The following TASOR variants were observed in gnomAD, a reference collection of about 807,000 sequenced individuals.
TASOR encodes the protein transcription activation suppressor.
In TASOR, 53 loss-of-function variants were observed where a neutral mutation model predicts 178.6. That is an observed-to-expected ratio of 0.30 (90% CI 0.24 to 0.37). The LOEUF (loss-of-function observed/expected upper bound fraction) is 0.37, where lower values mean the gene tolerates loss of function less well. Ranked by LOEUF, TASOR falls within the 10% of genes least tolerant of loss-of-function variation. TASOR has a pLI of 1.00. For synonymous variants in TASOR, 713 were observed against 696.2 expected (o/e 1.02, Z -0.38); for missense variants, 1,815 against 1,971.4 (o/e 0.92, Z 1.50).
Position 56,641,368 on chromosome 3 carries a change from T to C in TASOR, c.2600A>G (p.His867Arg), listed in dbSNP as rs1444800389. The C allele has an allele frequency of 1.9e-6, 3 of 1,593,152 alleles. No individual in the cohort carries two copies. The highest frequency in any genetic ancestry group is 2.7e-5 in the African/African-American group (2 of 74,542). ...AISTSEVGTDHKLHLKEDPNL... is the reference protein window; with the variant it reads ...AISTSEVGTDRKLHLKEDPNL... ...GCTTACTTCTTTCAAATGTAGCTTA[T>C]GGTCAGTGCCCACTTCGCTGGTAGA... Residue 867 changes from histidine (H) to arginine (R), a missense_variant, in exon 15 of 24, where the codon CAT (histidine) becomes CGT (arginine). By Grantham distance (29) the His-to-Arg change is conservative. Around this residue, in one of 5 missense-constraint regions of TASOR, gnomAD observed 655 missense variants for 671.1 expected, o/e 0.98. Coordinates refer to ENST00000683822, the MANE Select transcript of TASOR (RefSeq NM_001365635.2).
rs751360409 is a variant in TASOR, at chr3:56,641,474, T to G, written c.2494A>C (p.Lys832Gln). 6.2e-7 allele frequency: 1 copy of G among 1,613,602 alleles called. No homozygotes were observed. The highest frequency in any genetic ancestry group is 8.5e-7 in the Non-Finnish European group (1 of 1,179,490). The change falls in exon 15 of 24, where the codon AAA becomes CAA. Residue 832 changes from lysine (K) to glutamine (Q), a missense_variant. Physicochemically the swap from Lys to Gln is moderately conservative, Grantham distance 53 (BLOSUM62 1). This residue lies in a region of TASOR where 655 missense variants were observed against 671.1 expected (regional missense o/e 0.98). Transcript: ENST00000683822. ...CCCTTAAACTGTGCATTTTCAACTT[T>G]TGCACAAGTAGGCTGCTCATAGTCT... ...KKDYEQPTCAKVENAQFKGTQ... is the reference protein window; with the variant it reads ...KKDYEQPTCAQVENAQFKGTQ...
chr3:56,628,416 T>C (rs757895142), intron 19 of TASOR, 76 bp downstream of exon 19: 6 of 1,299,398 alleles, frequency 4.6e-6, no homozygotes, highest in Non-Finnish European at 5.4e-6. Context: ...TTAAAAACAC[T>C]AGTCTGGCAG....
chr3:56,682,205 A>C (rs2107650742), intron 1 of TASOR, among the ~76,000 whole-genome samples: 1 of 152,376 alleles, frequency 6.6e-6, no homozygotes, highest in East Asian at 1.9e-4. Flanking sequence ...GCACATTTCA[A>C]GTAGACACAC....
chr3:56,669,941 C>G, intron 4 of TASOR, 132 bp downstream of exon 4: 1 of 862,278 alleles, frequency 1.2e-6, no homozygotes. Context: ...ATTTCAGAAC[C>G]TATGACTAGT....
chr3:56,663,015 C>T (rs1351377056), intron 8 of TASOR, among the ~76,000 whole-genome samples: 1 of 152,024 alleles, frequency 6.6e-6, no homozygotes, highest in African/African-American at 2.4e-5. Flanking sequence ...CCCAACTCTA[C>T]TAAAAATACA....
intron 1 of TASOR, among the ~76,000 whole-genome samples, chr3:56,679,217 T>C (rs200100624): frequency 6.6e-5 from 10 of 152,318 alleles, no homozygotes; most frequent in East Asian, 1.9e-4. Context: ...GTAAGATCTT[T>C]TTTTAAAATC....
chr3:56,642,871 G>A (rs1409331016), intron 14 of TASOR, among the ~76,000 whole-genome samples: 2 of 152,132 alleles, frequency 1.3e-5, no homozygotes, highest in East Asian at 1.9e-4. Context: ...AGCTACTTGG[G>A]AGGCTGAGGC....
At chr3:56,664,284 A>G (rs1036116514) in intron 7 of TASOR, 1 of 152,194 alleles carries the variant, frequency 6.6e-6, no homozygotes, top group African/African-American at 2.4e-5. Context: ...AATGATATAG[A>G]GGTCAAGAGA....
At chr3:56,643,335 A>C (rs1423990609) in intron 14 of TASOR, among the ~76,000 whole-genome samples, 1 of 152,166 alleles carries the variant, frequency 6.6e-6, no homozygotes, top group East Asian at 1.9e-4. Flanking sequence ...CTGTGTGCTT[A>C]AATAGGTACA....
chr3:56,671,167 C>T (rs531078816), intron 3 of TASOR, among the ~76,000 whole-genome samples: 3 of 151,786 alleles, frequency 2.0e-5, no homozygotes, highest in South Asian at 4.2e-4. Context: ...GGTGATACCC[C>T]GTCTCTACTA....
chr3:56,646,005 G>A (rs866883452), intron 14 of TASOR, among the ~76,000 whole-genome samples: 32 of 152,102 alleles, frequency 2.1e-4, no homozygotes, highest in African/African-American at 1.7e-4. Flanking sequence ...AAAATTAGCC[G>A]GGCATGGTGG....
In TASOR at chr3:56,628,608, G is replaced by T; in HGVS notation, c.3754C>A (p.Leu1252Ile). Residue 1252 changes from leucine to isoleucine, a missense_variant, in exon 19 of 24, where the codon CTT becomes ATT. By Grantham distance (5) the Leu-to-Ile change is conservative (BLOSUM62 2). Around this residue, in one of 5 missense-constraint regions of TASOR, gnomAD observed 655 missense variants for 671.1 expected, o/e 0.98. Transcript: ENST00000683822. The stretch of plus-strand genomic sequence containing the variant: ...CATTCTGTATTGCCTAATTTGATAA[G>T]ATATTCCTGTTAAAGAAAAACAACT... ...SVLCKEIKEY[L>I]IKLGNTECHP... 6.5e-7 allele frequency: 1 copy of T among 1,539,562 alleles called. No homozygotes were observed. The highest frequency in any genetic ancestry group is 8.8e-7 in the Non-Finnish European group (1 of 1,131,976).
In TASOR at chr3:56,673,606, C is replaced by A; in HGVS notation, c.451G>T (p.Val151Leu). Residue 151 changes from valine (V) to leucine (L), a missense_variant, in exon 2 of 24, where the codon GTA (valine) becomes TTA (leucine). Coordinates refer to ENST00000683822, the MANE Select transcript of TASOR (RefSeq NM_001365635.2). Reference sequence around the variant, plus strand: ...TCCTTTTCCAAAAGCTCATTGTGTACCAAGCAAGCACGTCTGTAGTTAAAA... The same window carrying A: ...TCCTTTTCCAAAAGCTCATTGTGTAACAAGCAAGCACGTCTGTAGTTAAAA... ...TNFNYRRACL[V>L]HNELLEKEFT... 6.5e-7 allele frequency: 1 copy of A among 1,549,970 alleles called. No individual in the cohort carries two copies. The highest frequency in any genetic ancestry group is 8.7e-7 in the Non-Finnish European group (1 of 1,146,378).
intron 16 of TASOR, among the ~76,000 whole-genome samples, chr3:56,639,691 C>CA (rs1376534470): frequency 6.6e-6 from 1 of 152,196 alleles, no homozygotes; most frequent in African/African-American, 2.4e-5. Context: ...ATCAAAAACT[C>CA]AGTTTCTGCC....
intron 1 of TASOR, among the ~76,000 whole-genome samples, chr3:56,676,011 T>C (rs944913713): frequency 6.6e-6 from 1 of 152,162 alleles, no homozygotes; most frequent in Non-Finnish European, 1.5e-5. Flanking sequence ...GTTATAGCAA[T>C]ACAATTAAAA....
chr3:56,675,038 GA>G (rs2031160412), intron 1 of TASOR, among the ~76,000 whole-genome samples: 1 of 152,098 alleles, frequency 6.6e-6, no homozygotes, highest in African/African-American at 2.4e-5. Flanking sequence ...TGTTAGCCAG[GA>G]TGGTCTCGAT....
Position 56,682,899 on chromosome 3 carries a change from G to A in TASOR, c.108C>T (p.Ser36=). ...EMKQALPELE[S]SQQNGGGGGL... ...CGCCGCCGCCGCCATTTTGTTGGGAGGACTCAAGCTCCGGAAGCGCCTGCT... is the reference window on the plus strand; with the variant it reads ...CGCCGCCGCCGCCATTTTGTTGGGAAGACTCAAGCTCCGGAAGCGCCTGCT... Residue 36 remains serine, a synonymous_variant, in exon 1 of 24, where the codon TCC becomes TCT. Transcript: ENST00000683822. 6.5e-7 allele frequency: 1 copy of A among 1,539,700 alleles called. No homozygotes were observed. The highest frequency in any genetic ancestry group is 8.8e-7 in the Non-Finnish European group (1 of 1,137,646).
chr3:56,639,354 AGTAT>A (rs1046537433), intron 16 of TASOR, among the ~76,000 whole-genome samples: 3 of 152,110 alleles, frequency 2.0e-5, no homozygotes, highest in African/African-American at 4.8e-5. Flanking sequence ...GAATATTAAG[AGTAT>A]GTATTTATGT....
At position 56,639,970 on chromosome 3, in the gene TASOR, A is replaced by G. The variant is rs2077089820; in HGVS notation, c.2764+16T>C. Reference sequence around the variant, plus strand: ...GTAAAATGAAGCAAACACAAGTCCAAGTATACTTTTCTTACCTGTAATTGG... The same window carrying G: ...GTAAAATGAAGCAAACACAAGTCCAGGTATACTTTTCTTACCTGTAATTGG... On this transcript the variant is annotated intron_variant, in intron 16 of 23. Transcript: ENST00000683822. 1 of 1,594,144 alleles carries G rather than the reference A, an allele frequency of 6.3e-7. No homozygotes were observed. The highest frequency in any genetic ancestry group is 1.3e-5 in the African/African-American group (1 of 74,198).
Sources: gnomAD v4.1 joint callset for allele counts (sites outside exome capture counted in the v4.1 genomes callset) on GRCh38, gnomAD v4.1.1 for gene constraint, gnomAD v4.1.1 regional missense constraint, MANE v1.5 for transcripts, NCBI Gene and HGNC (gene_info 2026-07-23, HGNC 2026-07-21) for gene names.